The following MAGI1 variants were observed in gnomAD, a reference collection of about 807,000 sequenced individuals.
The protein encoded by MAGI1 is membrane-associated guanylate kinase, WW and PDZ domain-containing protein 1.
Under a neutral mutation model 139.9 loss-of-function variants are expected in MAGI1, and 58 were observed. That is an observed-to-expected ratio of 0.41 (90% CI 0.34 to 0.52). The LOEUF (loss-of-function observed/expected upper bound fraction) is 0.52. MAGI1 is among the 20% of genes least tolerant of loss of function. The pLI is 0.12. For synonymous variants in MAGI1, 812 were observed against 737.9 expected (o/e 1.10, Z -1.63); for missense variants, 1,874 against 1,901.6 (o/e 0.99, Z 0.27).
intron 1 of MAGI1, among the ~76,000 whole-genome samples, chr3:65,964,843 A>AC (rs1341839337): frequency 6.6e-6 from 1 of 152,092 alleles, no homozygotes; most frequent in Non-Finnish European, 1.5e-5. Context: ...TTAGGAAGCC[A>AC]CCCCCAAGTC....
At chr3:65,898,300 T>A (rs1367125550) in intron 1 of MAGI1, among the ~76,000 whole-genome samples, 2 of 152,168 alleles carry the variant, frequency 1.3e-5, no homozygotes, top group South Asian at 2.1e-4. Context: ...ACACTTTAAA[T>A]AAAAGGCGGC....
chr3:65,593,078 T>TA (rs1289427463), intron 2 of MAGI1, among the ~76,000 whole-genome samples: 1 of 152,066 alleles, frequency 6.6e-6, no homozygotes, highest in East Asian at 1.9e-4. Context: ...AGTAGTAAAT[T>TA]AAAAAGTCCC....
rs558270441 is a variant in MAGI1 at position 65,849,001 on chromosome 3, C to CTTTTTTTT, written c.313+188987_313+188994dup. 2.4e-3 allele frequency among the ~76,000 whole-genome samples: 94 copies of CTTTTTTTT among 39,638 alleles called. 15 individuals carry two copies. Among genetic ancestry groups the CTTTTTTTT allele is most frequent in the Non-Finnish European group, 2.9e-3 (63 of 21,508 alleles). The allele number at this position is 39,638 out of a possible 152,430, so 26.0% of individuals were successfully genotyped here. A position where few individuals can be genotyped will look rare whatever the true frequency, so the allele number is the denominator to read the frequency against. On this transcript the variant is annotated intron_variant, in intron 1 of 22. Coordinates refer to ENST00000402939, the MANE Select transcript of MAGI1 (RefSeq NM_001033057.2). ...GCAGCTCAAGACTATTCAGAGCATTCTTTTTTTTTTTTTTTTTTTTTTTTT... is the reference window on the plus strand; with the variant it reads ...GCAGCTCAAGACTATTCAGAGCATTCTTTTTTTTTTTTTTTTTTTTTTTTTTTTTTTTT...
At chr3:65,721,545 GA>G (rs2033024051) in intron 1 of MAGI1, among the ~76,000 whole-genome samples, 1 of 152,212 alleles carries the variant, frequency 6.6e-6, no homozygotes, top group African/African-American at 2.4e-5. Context: ...AAGGGATTTA[GA>G]AAATCTTATT....
intron 1 of MAGI1, among the ~76,000 whole-genome samples, chr3:65,633,476 T>G (rs771976550): frequency 6.6e-6 from 1 of 152,230 alleles, no homozygotes; most frequent in Non-Finnish European, 1.5e-5. Flanking sequence ...ACTCCCCACA[T>G]GAGCAAGCAT....
At chr3:66,025,512 C>T (rs374676114) in intron 1 of MAGI1, among the ~76,000 whole-genome samples, 8 of 152,036 alleles carry the variant, frequency 5.3e-5, no homozygotes, top group South Asian at 2.1e-4. Context: ...CCAGCCTAGG[C>T]GACAGAGAAG....
At chr3:66,007,642 A>G (rs1053080374) in intron 1 of MAGI1, among the ~76,000 whole-genome samples, 1 of 152,188 alleles carries the variant, frequency 6.6e-6, no homozygotes, top group Non-Finnish European at 1.5e-5. Flanking sequence ...TTCCGAGGAA[A>G]CATTTCAGGA....
chr3:65,962,161 C>T (rs1198883043), intron 1 of MAGI1, among the ~76,000 whole-genome samples: 2 of 144,310 alleles, frequency 1.4e-5, no homozygotes, highest in Non-Finnish European at 3.0e-5. Flanking sequence ...CTCTCTCTGT[C>T]GCCCAGGCTG....
rs2106665655 is a variant in MAGI1, at chr3:65,354,359, T to C, written c.*2019A>G. 1 of 152,762 alleles carries C rather than the reference T, an allele frequency of 6.5e-6. No homozygotes were observed. Among genetic ancestry groups the C allele is most frequent in the Non-Finnish European group, 1.5e-5 (1 of 68,026 alleles). The allele number at this position is 152,762 out of a possible 1,614,324, so 9.5% of individuals were successfully genotyped here. On this transcript the variant is annotated 3_prime_UTR_variant, in exon 23 of 23. Coordinates refer to ENST00000402939, the MANE Select transcript of MAGI1 (RefSeq NM_001033057.2). Reference sequence around the variant, plus strand: ...AGGAAAGGAACTTGTTTTATAAATGTCCACACAACTACAGCTACTCATTCT... The same window carrying C: ...AGGAAAGGAACTTGTTTTATAAATGCCCACACAACTACAGCTACTCATTCT...
At chr3:65,873,905 T>A (rs2060023085) in intron 1 of MAGI1, 1 of 152,014 alleles carries the variant, frequency 6.6e-6, no homozygotes, top group African/African-American at 2.4e-5. Flanking sequence ...CTGGGTCAGG[T>A]GAAGCCTATT....
intron 12 of MAGI1, among the ~76,000 whole-genome samples, chr3:65,420,237 A>G (rs1184842654): frequency 2.0e-5 from 3 of 152,094 alleles, no homozygotes; most frequent in Non-Finnish European, 4.4e-5. Context: ...GACTTCAGCC[A>G]TCCCCATCCC....
At chr3:65,945,707 A>G (rs991988947) in intron 1 of MAGI1, among the ~76,000 whole-genome samples, 20 of 152,250 alleles carry the variant, frequency 1.3e-4, no homozygotes, top group Admixed American at 1.1e-3. Flanking sequence ...TCTGTATGTC[A>G]TTTCTCTTTT....
intron 2 of MAGI1, among the ~76,000 whole-genome samples, chr3:65,598,274 C>A (rs1407494284): frequency 2.6e-5 from 4 of 152,184 alleles, no homozygotes; most frequent in Admixed American, 1.3e-4. Context: ...GTGTCAGGTC[C>A]CCATCACCCG....
intron 1 of MAGI1, among the ~76,000 whole-genome samples, chr3:65,974,726 C>T (rs2065182076): frequency 3.9e-5 from 6 of 152,170 alleles, no homozygotes; most frequent in Admixed American, 3.3e-4. Flanking sequence ...CTGTGTGCGC[C>T]TCTCCACAGC....
At chr3:65,484,834 A>G (rs924512098) in intron 3 of MAGI1, among the ~76,000 whole-genome samples, 1 of 152,162 alleles carries the variant, frequency 6.6e-6, no homozygotes, top group Non-Finnish European at 1.5e-5. Context: ...CAGTTCTTAT[A>G]TGTTCTCAAG....
chr3:65,435,436 A>C (rs1036386985), intron 10 of MAGI1, among the ~76,000 whole-genome samples: 1 of 151,676 alleles, frequency 6.6e-6, no homozygotes, highest in Non-Finnish European at 1.5e-5. Flanking sequence ...TAATTATGTA[A>C]GAAAGTCTGG....
At position 65,400,105 on chromosome 3, in the gene MAGI1, C is replaced by T. The variant is rs570911578; in HGVS notation, c.2199+1334G>A. ...TCTCTGAAGGCGGATGGGTTACTGG[C>T]TATGACCAAGGGACAGGGAGACACA... is the stretch of plus-strand genomic sequence containing the variant. On this transcript the variant is annotated intron_variant, in intron 13 of 22. Transcript: ENST00000402939. Among the ~76,000 whole-genome samples, 6 of 152,282 alleles carry T rather than the reference C, an allele frequency of 3.9e-5. No homozygotes were observed. The East Asian group carries it at 1.2e-3, about 29-fold the overall frequency.
At chr3:65,965,161 G>A (rs17382966) in intron 1 of MAGI1, among the ~76,000 whole-genome samples, 51,716 of 151,964 alleles carry the variant, frequency 0.34, 9,261 homozygotes, top group South Asian at 0.59. Context: ...TTTGGTAAAT[G>A]TTCCATCTGC....
intron 2 of MAGI1, among the ~76,000 whole-genome samples, chr3:65,616,129 A>G (rs1001928159): frequency 3.9e-5 from 6 of 152,192 alleles, no homozygotes; most frequent in Non-Finnish European, 7.3e-5. Context: ...CACAATAAGA[A>G]ACATTCACTT....
Sources: gnomAD v4.1 joint callset for allele counts (sites outside exome capture counted in the v4.1 genomes callset) on GRCh38, gnomAD v4.1.1 for gene constraint, MANE v1.5 for transcripts, NCBI Gene and HGNC (gene_info 2026-07-23, HGNC 2026-07-21) for gene names.